CHD9: variants seen among roughly 807,000 people sequenced by gnomAD.
CHD9 encodes chromodomain helicase DNA binding protein 9.
A neutral mutation model predicts 316.1 loss-of-function variants in CHD9; 77 were observed. The ratio of observed to expected loss-of-function variants is 0.24; its 90% confidence interval spans 0.20 to 0.29. The LOEUF (loss-of-function observed/expected upper bound fraction) is 0.29, where lower values mean the gene tolerates loss of function less well. Among genes scored for constraint, CHD9 ranks in the 10% least tolerant of loss-of-function variants. The pLI is 1.00. For synonymous variants in CHD9, 1,129 were observed against 1,158.3 expected (o/e 0.97, Z 0.51); for missense variants, 2,763 against 3,438.1 (o/e 0.80, Z 4.91).
chr16:53,165,931 G>C (rs895441419), intron 2 of CHD9, among the ~76,000 whole-genome samples: 1 of 152,030 alleles, frequency 6.6e-6, no homozygotes, highest in African/African-American at 2.4e-5. Context: ...CTTTTATAAG[G>C]TACCATCCCT....
chr16:53,067,662 G>A (rs1409508339), intron 1 of CHD9, among the ~76,000 whole-genome samples: 1 of 152,106 alleles, frequency 6.6e-6, no homozygotes, highest in African/African-American at 2.4e-5. Context: ...GGGTTTTGAC[G>A]CGGAAGACCA....
intron 2 of CHD9, chr16:53,169,445 C>G (rs995560321): frequency 4.6e-5 from 7 of 152,096 alleles, no homozygotes; most frequent in Admixed American, 4.6e-4. Flanking sequence ...TAAACAATAT[C>G]AGAAATGTCA....
At chr16:53,249,830 T>C in intron 16 of CHD9, 41 bp from the exon 17 acceptor site, 5 of 1,445,038 alleles carry the variant, frequency 3.5e-6, no homozygotes, top group Non-Finnish European at 4.9e-6. Context: ...TTCAGTTTTA[T>C]TATACTTATT....
At chr16:53,274,605 G>A (rs375329961) in intron 24 of CHD9, among the ~76,000 whole-genome samples, 10 of 151,946 alleles carry the variant, frequency 6.6e-5, no homozygotes, top group African/African-American at 2.2e-4. Context: ...ACAGGCATGC[G>A]TCACCACGCC....
intron 24 of CHD9, among the ~76,000 whole-genome samples, chr16:53,282,770 T>C (rs951062789): frequency 1.3e-5 from 2 of 152,208 alleles, no homozygotes; most frequent in Admixed American, 1.3e-4. Flanking sequence ...CTTACCTTAC[T>C]TTACCTTTGT....
chr16:53,318,786 A>G (rs962218875), intron 37 of CHD9, among the ~76,000 whole-genome samples: 2 of 152,202 alleles, frequency 1.3e-5, no homozygotes, highest in East Asian at 1.9e-4. Flanking sequence ...TACAATACCA[A>G]TTCACAATGT....
intron 1 of CHD9, among the ~76,000 whole-genome samples, chr16:53,089,056 G>A (rs1431212148): frequency 6.6e-6 from 1 of 152,062 alleles, no homozygotes; most frequent in African/African-American, 2.4e-5. Context: ...AGGTTGCAGT[G>A]AGCCGAGATC....
intron 2 of CHD9, among the ~76,000 whole-genome samples, chr16:53,182,733 C>T (rs1012656137): frequency 6.6e-6 from 1 of 151,958 alleles, no homozygotes. Flanking sequence ...AGGAGGAAAT[C>T]CAGCCTAATT....
chr16:53,154,230 AATTTTACTAAT>A (rs779699310), intron 1 of CHD9, among the ~76,000 whole-genome samples: 36 of 152,218 alleles, frequency 2.4e-4, no homozygotes, highest in Admixed American at 1.6e-3. Context: ...TAAATTTTCA[AATTTTACTAAT>A]GTTTTACTAA....
At chr16:53,285,147 G>C (rs886774895) in intron 24 of CHD9, among the ~76,000 whole-genome samples, 6 of 152,122 alleles carry the variant, frequency 3.9e-5, no homozygotes, top group African/African-American at 1.4e-4. Flanking sequence ...CTTAGCAATA[G>C]TGGTCTAGAG....
chr16:53,327,433 C>CT lies in CHD9; in HGVS notation c.*2539dup. The CT allele has an allele frequency of 6.6e-6, 1 of 152,574 alleles. No homozygotes were observed. 9.5% of individuals were successfully genotyped at this position (152,574 alleles called of 1,614,324 possible). A position where few individuals can be genotyped will look rare whatever the true frequency, so the allele number is the denominator to read the frequency against. On this transcript the variant is annotated 3_prime_UTR_variant, in exon 39 of 39. Coordinates refer to ENST00000447540, the MANE Select transcript of CHD9 (RefSeq NM_001308319.2). ...CATTTGTAATTTATTAAATTACTTT[C>CT]TATGATGTTCTATAGAGCAAATGGA...
chr16:53,291,367 G>C (rs892508705), intron 27 of CHD9, among the ~76,000 whole-genome samples: 10 of 152,080 alleles, frequency 6.6e-5, no homozygotes, highest in African/African-American at 2.2e-4. Context: ...AAATGAATAA[G>C]TTATCTAAGA....
At chr16:53,264,851 A>G (rs2051495156) in intron 20 of CHD9, among the ~76,000 whole-genome samples, 1 of 152,188 alleles carries the variant, frequency 6.6e-6, no homozygotes, top group Admixed American at 6.6e-5. Context: ...GCAGAAATAC[A>G]TTATGGCAGA....
chr16:53,077,144 C>T (rs12917630), intron 1 of CHD9, among the ~76,000 whole-genome samples: 89,516 of 151,642 alleles, frequency 0.59, 27,510 homozygotes, highest in Non-Finnish European at 0.68. Context: ...TGTGCCACCA[C>T]GCCTAACTAA....
In CHD9 at chr16:53,245,224, T is replaced by C; in HGVS notation, c.3055-112T>C. On this transcript the variant is annotated intron_variant, in intron 13 of 38. Transcript: ENST00000447540. This position sits in a 1 kb window ranked among gnomAD's most constrained non-coding sequence, Gnocchi z 4.1. ...CACACACACACATAACATATATATA[T>C]GTATATATAGTCAGAAAAATATTTG... The C allele has an allele frequency of 1.5e-6, 1 of 686,802 alleles. No individual in the cohort carries two copies. Among genetic ancestry groups the C allele is most frequent in the Non-Finnish European group, 2.3e-6 (1 of 437,224 alleles). 42.5% of individuals were successfully genotyped at this position (686,802 alleles called of 1,614,324 possible). A position where few individuals can be genotyped will look rare whatever the true frequency, so the allele number is the denominator to read the frequency against.
intron 2 of CHD9, among the ~76,000 whole-genome samples, chr16:53,201,854 T>TG (rs200766046): frequency 0.029 from 4,457 of 151,772 alleles, 78 homozygotes; most frequent in Middle Eastern, 0.072. Flanking sequence ...GGTTTTTTTT[T>TG]TTGTTGTTGT....
At chr16:53,098,492 A>G (rs899194702) in intron 1 of CHD9, among the ~76,000 whole-genome samples, 2 of 145,576 alleles carry the variant, frequency 1.4e-5, no homozygotes, top group Non-Finnish European at 3.0e-5. Flanking sequence ...AAAAAAAAAA[A>G]GAAAGAAAGA....
chr16:53,086,909 C>G (rs1244475800), intron 1 of CHD9, among the ~76,000 whole-genome samples: 1 of 152,088 alleles, frequency 6.6e-6, no homozygotes, highest in Non-Finnish European at 1.5e-5. Flanking sequence ...CTGACTTGCT[C>G]CCTCAACCAA....
chr16:53,246,269 A>G (rs923017399), intron 15 of CHD9, among the ~76,000 whole-genome samples: 3 of 152,038 alleles, frequency 2.0e-5, no homozygotes, highest in Non-Finnish European at 2.9e-5. Flanking sequence ...CTCTCTGTAC[A>G]ATGTTTGGGT....
Sources: gnomAD v4.1 joint callset for allele counts (sites outside exome capture counted in the v4.1 genomes callset) on GRCh38, gnomAD v4.1.1 for gene constraint, Gnocchi (gnomAD v3.1) non-coding constraint, MANE v1.5 for transcripts, NCBI Gene and HGNC (gene_info 2026-07-23, HGNC 2026-07-21) for gene names.